Variants in ASIC2 observed in about 807,000 individuals in gnomAD.
ASIC2 encodes acid sensing ion channel subunit 2, also known as acid-sensing ion channel 2.
ASIC2 carries 25 observed loss-of-function variants against 57.3 expected under a neutral mutation model. The ratio of observed to expected loss-of-function variants is 0.44; its 90% CI spans 0.32 to 0.61. The LOEUF (loss-of-function observed/expected upper bound fraction) is 0.61, where lower values mean the gene tolerates loss of function less well. Ranked by LOEUF, ASIC2 falls within the 20% of genes least tolerant of loss-of-function variation. The pLI is 0.06. For missense variants in ASIC2, 641 were observed against 738.1 expected (o/e 0.87, Z 1.52); for synonymous variants, 319 against 307.5 (o/e 1.04, Z -0.39).
intron 1 of ASIC2, among the ~76,000 whole-genome samples, chr17:33,706,802 C>T (rs1364919542): frequency 1.3e-5 from 2 of 152,164 alleles, no homozygotes; most frequent in African/African-American, 2.4e-5. Context: ...AAACATCTTT[C>T]CTAGATCTCC....
chr17:33,786,884 G>A (rs11080235), intron 1 of ASIC2, among the ~76,000 whole-genome samples: 86,360 of 152,066 alleles, frequency 0.57, 25,654 homozygotes, highest in Non-Finnish European at 0.66. Context: ...AGAAGGGTGA[G>A]CTGCAGTACA....
At chr17:33,039,644 T>C (rs1416353234) in intron 3 of ASIC2, among the ~76,000 whole-genome samples, 2 of 152,194 alleles carry the variant, frequency 1.3e-5, no homozygotes, top group Admixed American at 6.5e-5. Context: ...TTCTGCATAA[T>C]AGGACCTGAC....
chr17:33,573,714 T>A (rs1916526147), intron 1 of ASIC2, among the ~76,000 whole-genome samples: 3 of 152,046 alleles, frequency 2.0e-5, no homozygotes, highest in Admixed American at 6.6e-5. Flanking sequence ...TACAGGTGCA[T>A]ACCACCACGC....
chr17:33,449,329 C>A (rs1207287476), intron 1 of ASIC2, among the ~76,000 whole-genome samples: 1 of 152,180 alleles, frequency 6.6e-6, no homozygotes, highest in East Asian at 1.9e-4. Context: ...AAGACCTACT[C>A]TCTGGCAGTC....
At chr17:33,266,896 G>T (rs1294206673) in intron 1 of ASIC2, among the ~76,000 whole-genome samples, 3 of 152,178 alleles carry the variant, frequency 2.0e-5, no homozygotes, top group Non-Finnish European at 4.4e-5. Context: ...AGCAGAGTGA[G>T]GTGGGGTGCT....
At chr17:33,565,064 CCT>C in intron 1 of ASIC2, among the ~76,000 whole-genome samples, 1 of 152,048 alleles carries the variant, frequency 6.6e-6, no homozygotes, top group East Asian at 1.9e-4. Flanking sequence ...CTGTGAGACC[CCT>C]GATTTCCCAC....
intron 3 of ASIC2, among the ~76,000 whole-genome samples, chr17:33,066,063 C>T (rs1332663979): frequency 6.6e-6 from 1 of 152,094 alleles, no homozygotes; most frequent in African/African-American, 2.4e-5. Flanking sequence ...GGCGGGACAC[C>T]TGGGCCCCAT....
intron 1 of ASIC2, among the ~76,000 whole-genome samples, chr17:33,766,328 T>A (rs527794550): frequency 6.6e-6 from 1 of 152,352 alleles, no homozygotes; most frequent in South Asian, 2.1e-4. Flanking sequence ...TTCAAGCAGC[T>A]GCTGAGGCTT....
intron 1 of ASIC2, among the ~76,000 whole-genome samples, chr17:33,699,634 A>G (rs1037450954): frequency 1.3e-5 from 2 of 152,176 alleles, no homozygotes; most frequent in African/African-American, 4.8e-5. Context: ...CAAATTCAGC[A>G]GCAGAGACAT....
chr17:33,432,336 T>A (rs1159050767), intron 1 of ASIC2, among the ~76,000 whole-genome samples: 1 of 152,158 alleles, frequency 6.6e-6, no homozygotes, highest in African/African-American at 2.4e-5. Flanking sequence ...GGGAACATAA[T>A]GAGACCTCGT....
chr17:33,911,848 G>A (rs192459929), intron 1 of ASIC2, among the ~76,000 whole-genome samples: 21 of 152,222 alleles, frequency 1.4e-4, no homozygotes, highest in African/African-American at 4.6e-4. Flanking sequence ...GGCTGGGCAC[G>A]GTGGTTCACA....
intron 1 of ASIC2, among the ~76,000 whole-genome samples, chr17:33,475,724 C>T (rs1299188193): frequency 1.3e-5 from 2 of 152,152 alleles, no homozygotes; most frequent in African/African-American, 2.4e-5. Context: ...CGTGGCTGCT[C>T]GCATCCCTGT....
At chr17:33,436,850 CTTCTTTTTTTTTTTTTTTTTTT>C (rs1911630838) in intron 1 of ASIC2, among the ~76,000 whole-genome samples, 1 of 76,038 alleles carries the variant, frequency 1.3e-5, no homozygotes, top group African/African-American at 4.4e-5. Context: ...CACATTCCAA[CTTCTTTTTTTTTTTTTTTTTTT>C]TTTTTTTTTT....
intron 1 of ASIC2, chr17:34,005,038 A>G (rs1444953959): frequency 1.3e-5 from 2 of 152,146 alleles, no homozygotes; most frequent in African/African-American, 4.8e-5. Flanking sequence ...AATGCTATGC[A>G]TTAGGTGCTC....
At chr17:33,094,800 C>T (rs2092171800) in intron 2 of ASIC2, among the ~76,000 whole-genome samples, 1 of 152,192 alleles carries the variant, frequency 6.6e-6, no homozygotes, top group Admixed American at 6.5e-5. Context: ...TTAAGGATCT[C>T]CCCAGAGATA....
chr17:33,999,584 G>C (rs769503618), intron 1 of ASIC2, among the ~76,000 whole-genome samples: 1 of 152,132 alleles, frequency 6.6e-6, no homozygotes, highest in Non-Finnish European at 1.5e-5. Flanking sequence ...ATAGCTTAGA[G>C]TATAACAGTG....
At chr17:33,480,726 A>C (rs1265715127) in intron 1 of ASIC2, among the ~76,000 whole-genome samples, 1 of 151,728 alleles carries the variant, frequency 6.6e-6, no homozygotes, top group Non-Finnish European at 1.5e-5. Flanking sequence ...CCTTATCCCC[A>C]CCCCAGCCAT....
chr17:33,674,823 G>C (rs140506505), intron 1 of ASIC2, among the ~76,000 whole-genome samples: 1 of 152,154 alleles, frequency 6.6e-6, no homozygotes, highest in Non-Finnish European at 1.5e-5. Context: ...GTAGCACAAA[G>C]AGCTCAGAAG....
intron 1 of ASIC2, among the ~76,000 whole-genome samples, chr17:34,048,017 C>T (rs1021513701): frequency 1.3e-5 from 2 of 152,160 alleles, no homozygotes; most frequent in Non-Finnish European, 2.9e-5. Flanking sequence ...ACAGGGAGCT[C>T]ATTATGAGCT....
Sources: allele counts gnomAD v4.1 joint callset (sites outside exome capture counted in the v4.1 genomes callset), GRCh38; gene constraint gnomAD v4.1.1; transcripts MANE v1.5; gene names NCBI Gene and HGNC (gene_info 2026-07-23, HGNC 2026-07-21).